The following DCAF1 variants were observed in gnomAD, a reference collection of about 807,000 sequenced individuals.
DCAF1 encodes DDB1- and CUL4-associated factor 1.
A neutral mutation model predicts 128.0 loss-of-function variants in DCAF1; 15 were observed. The ratio of observed to expected loss-of-function variants is 0.12; its 90% CI spans 0.08 to 0.18. DCAF1 has a LOEUF of 0.18. Ranked by LOEUF, DCAF1 falls within the 10% of genes least tolerant of loss-of-function variation. The pLI is 1.00. For missense variants in DCAF1, 988 were observed against 1,649.5 expected, an observed-to-expected ratio of 0.60 and a Z score of 6.95; for synonymous variants, 610 against 603.0, an observed-to-expected ratio of 1.01 and a Z score of -0.17.
At chr3:51,486,571 C>T (rs373561619) in intron 2 of DCAF1, among the ~76,000 whole-genome samples, 2 of 152,076 alleles carry the variant, frequency 1.3e-5, no homozygotes, top group East Asian at 3.9e-4. Context: ...CTTCTGACTT[C>T]AACCTGAGAA....
chr3:51,475,584 C>T (rs1239141270), intron 3 of DCAF1, among the ~76,000 whole-genome samples: 4 of 150,210 alleles, frequency 2.7e-5, no homozygotes, highest in East Asian at 2.0e-4. Flanking sequence ...CTCCAGGGCC[C>T]GGCGTGGTGG....
chr3:51,435,194 C>T (rs1700699621), intron 9 of DCAF1, among the ~76,000 whole-genome samples: 1 of 152,178 alleles, frequency 6.6e-6, no homozygotes, highest in Non-Finnish European at 1.5e-5. Flanking sequence ...GTGTGACACC[C>T]ATTATAATTC....
chr3:51,422,559 G>A (rs62257541), intron 13 of DCAF1, 128 bp from the exon 14 acceptor site: 125,819 of 633,208 alleles, frequency 0.2, 13,807 homozygotes, highest in South Asian at 0.32. Flanking sequence ...CACTACCAGT[G>A]TGGCTCTATC....
intron 7 of DCAF1, 89 bp from the exon 8 acceptor site, chr3:51,441,986 G>A (rs1344809735): frequency 2.0e-6 from 3 of 1,492,428 alleles, no homozygotes; most frequent in Non-Finnish European, 2.7e-6. Flanking sequence ...ATAATAACTG[G>A]AGACTCATGC....
rs1553623778 is a variant in DCAF1 at position 51,398,354 on chromosome 3, GT to G, written c.*414del. The G allele has an allele frequency of 6.3e-6, 1 of 158,572 alleles. No individual in the cohort carries two copies. Among genetic ancestry groups the G allele is most frequent in the African/African-American group, 2.4e-5 (1 of 41,412 alleles). The allele number at this position is 158,572 out of a possible 1,614,324, so 9.8% of individuals were successfully genotyped here. A position where few individuals can be genotyped will look rare whatever the true frequency, so the allele number is the denominator to read the frequency against. ...GGGACAAGAGACCTGGTGGATATAA[GT>G]TCATACCCTCAGTTATAAATGCCTG... On this transcript the variant is annotated 3_prime_UTR_variant, in exon 25 of 25. Transcript: ENST00000684031.
chr3:51,403,864 C>G (rs1553625784), intron 23 of DCAF1, among the ~76,000 whole-genome samples: 1 of 152,206 alleles, frequency 6.6e-6, no homozygotes, highest in Non-Finnish European at 1.5e-5. Flanking sequence ...ATCTTCTAAC[C>G]AAGAATGTGG....
intron 18 of DCAF1, among the ~76,000 whole-genome samples, chr3:51,415,401 A>G (rs964470139): frequency 1.1e-4 from 16 of 152,162 alleles, no homozygotes; most frequent in Non-Finnish European, 4.4e-5. Flanking sequence ...AGGCTGAGGT[A>G]AGAGGATTGC....
intron 8 of DCAF1, 97 bp from the exon 9 acceptor site, chr3:51,441,168 A>C: frequency 1.6e-6 from 2 of 1,259,828 alleles, no homozygotes; most frequent in Non-Finnish European, 2.2e-6. Context: ...GAAATGATGC[A>C]CCTCTTCCTC....
chr3:51,486,476 G>A (rs1441425193), intron 2 of DCAF1, among the ~76,000 whole-genome samples: 1 of 151,400 alleles, frequency 6.6e-6, no homozygotes, highest in Non-Finnish European at 1.5e-5. Context: ...CAACAGGTGT[G>A]AGCCACCACA....
rs529948015 is a variant in DCAF1 at position 51,495,403 on chromosome 3, T to C, written c.-9+1331A>G. Among the ~76,000 whole-genome samples the C allele has an allele frequency of 3.9e-5, 6 of 152,112 alleles. No individual in the cohort carries two copies. In the South Asian group the frequency reaches 1.2e-3, roughly 32 times the overall value. On this transcript the variant is annotated intron_variant, in intron 2 of 24. Coordinates refer to ENST00000684031, the MANE Select transcript of DCAF1 (RefSeq NM_001387579.1). ...TGGCTCACACTTGTAATCCCAGCAC[T>C]TTGGAAGGCTGAGGTAGGAGGATCA...
chr3:51,412,907 A>T (rs1254377371), intron 22 of DCAF1, 86 bp downstream of exon 22: 13 of 1,562,548 alleles, frequency 8.3e-6, no homozygotes, highest in South Asian at 8.3e-5. Flanking sequence ...TTTACATCTT[A>T]TATCAGACAA....
intron 6 of DCAF1, among the ~76,000 whole-genome samples, chr3:51,447,937 ACT>A (rs1239636918): frequency 6.6e-6 from 1 of 151,698 alleles, no homozygotes; most frequent in African/African-American, 2.4e-5. Context: ...ACAGAGCAAG[ACT>A]CTGACTCAAT....
chr3:51,474,408 A>G (rs1705177147), intron 3 of DCAF1, among the ~76,000 whole-genome samples: 1 of 152,120 alleles, frequency 6.6e-6, no homozygotes, highest in African/African-American at 2.4e-5. Flanking sequence ...CAACAAGCGC[A>G]AAACTCTGTC....
intron 9 of DCAF1, among the ~76,000 whole-genome samples, chr3:51,435,611 T>C (rs964903476): frequency 6.6e-6 from 1 of 151,494 alleles, no homozygotes; most frequent in Non-Finnish European, 1.5e-5. Flanking sequence ...CTCAGGAGGC[T>C]GAAGCAGAAT....
Position 51,437,499 on chromosome 3 carries a change from A to G in DCAF1, c.1128+3471T>C, listed in dbSNP as rs369589580. 837 of 390,716 alleles carry G rather than the reference A, an allele frequency of 2.1e-3. 1 individual carries two copies. Among genetic ancestry groups the G allele is most frequent in the Non-Finnish European group, 3.2e-3 (625 of 193,236 alleles). The allele number at this position is 390,716 out of a possible 1,614,324, so 24.2% of individuals were successfully genotyped here. On this transcript the variant is annotated intron_variant, in intron 9 of 24. Transcript: ENST00000684031. ...CAGGTAACTACTGAGAGATGAGGTCATTAAAATTACTTTTTTATAAAATGT... is the reference window on the plus strand; with the variant it reads ...CAGGTAACTACTGAGAGATGAGGTCGTTAAAATTACTTTTTTATAAAATGT...
chr3:51,502,251 C>G (rs1553664514), upstream of DCAF1, among the ~76,000 whole-genome samples: 1 of 152,108 alleles, frequency 6.6e-6, no homozygotes, highest in Admixed American at 6.6e-5. Context: ...TTCAGAAACC[C>G]AACCTGGTCA....
intron 4 of DCAF1, among the ~76,000 whole-genome samples, chr3:51,468,586 T>C (rs76428060): frequency 6.4e-4 from 97 of 152,356 alleles, no homozygotes; most frequent in Non-Finnish European, 1.2e-3. Context: ...AGATGTGAGC[T>C]GCTGCTATGT....
chr3:51,419,856 A>C lies in DCAF1; in HGVS notation c.3114T>G (p.Pro1038=). The change falls in exon 15 of 25, where the codon CCT becomes CCG. Residue 1038 remains proline (P), a synonymous_variant. Coordinates refer to ENST00000684031, the MANE Select transcript of DCAF1 (RefSeq NM_001387579.1). ...PFSLFTPHQC[P]EPKQRRQAPI... The stretch of plus-strand genomic sequence containing the variant: ...GCGCTTGCCGCCTCTGTTTTGGCTC[A>C]GGACATTGGTGAGGAGTAAAGAGGG... 1.2e-6 allele frequency: 2 copies of C among 1,614,042 alleles called. No homozygotes were observed. The highest frequency in any genetic ancestry group is 1.7e-6 in the Non-Finnish European group (2 of 1,179,892).
intron 2 of DCAF1, among the ~76,000 whole-genome samples, chr3:51,493,350 C>T (rs1343357474): frequency 1.3e-5 from 2 of 151,936 alleles, no homozygotes; most frequent in African/African-American, 4.8e-5. Flanking sequence ...GAGGCTGAGG[C>T]AGGAGAACCG....
Sources: gnomAD v4.1 joint callset for allele counts (sites outside exome capture counted in the v4.1 genomes callset) on GRCh38, gnomAD v4.1.1 for gene constraint, MANE v1.5 for transcripts, NCBI Gene and HGNC (gene_info 2026-07-23, HGNC 2026-07-21) for gene names.